The following INSYN2A variants were observed in gnomAD, a reference collection of about 807,000 sequenced individuals.
The protein encoded by INSYN2A is family with sequence similarity 196 member A.
Under a neutral mutation model 39.4 loss-of-function variants are expected in INSYN2A, and 17 were observed. The ratio of observed to expected loss-of-function variants is 0.43; its 90% CI spans 0.30 to 0.65. The LOEUF (loss-of-function observed/expected upper bound fraction) is 0.65. Ranked by LOEUF, INSYN2A falls within the 30% of genes least tolerant of loss-of-function variation. The pLI, the probability that INSYN2A is intolerant of heterozygous loss-of-function variation, is 0.14. For missense variants in INSYN2A, 595 were observed against 631.2 expected (o/e 0.94, Z 0.61); for synonymous variants, 255 against 265.7 (o/e 0.96, Z 0.39).
intron 2 of INSYN2A, among the ~76,000 whole-genome samples, chr10:127,190,669 C>A (rs1236623436): frequency 4.7e-5 from 1 of 21,442 alleles, no homozygotes; most frequent in African/African-American, 1.6e-4. Context: ...CTATCTTCCC[C>A]CCCCCCCCCC....
At chr10:127,140,603 AGCACACCAAGTCTCTCGGTTGAGTTTG>A (rs1161957418) in intron 5 of INSYN2A, among the ~76,000 whole-genome samples, 2 of 68,342 alleles carry the variant, frequency 2.9e-5, no homozygotes, top group Non-Finnish European at 8.3e-5. Flanking sequence ...TTCTTGGGGA[AGCACACCAAGTCTCTCGGTTGAGTTTG>A]ACACACCAAG....
At chr10:127,154,336 G>A (rs992393508) in intron 4 of INSYN2A, among the ~76,000 whole-genome samples, 2 of 152,134 alleles carry the variant, frequency 1.3e-5, no homozygotes, top group South Asian at 2.1e-4. Context: ...GGCAAAGTGC[G>A]GCCTGCAGGC....
Position 127,176,424 on chromosome 10 carries a change from G to A in INSYN2A, c.-5-24C>T, listed in dbSNP as rs370855704. The A allele has an allele frequency of 1.3e-6, 2 of 1,558,106 alleles. No homozygotes were observed. Among genetic ancestry groups the A allele is most frequent in the African/African-American group, 1.3e-5 (1 of 74,084 alleles). Reference sequence around the variant, plus strand: ...TCCTGCATTCAGAAACAGCAACAGAGGTGTCAGTGGGACAGAAATACACAC... The same window carrying A: ...TCCTGCATTCAGAAACAGCAACAGAAGTGTCAGTGGGACAGAAATACACAC... On this transcript the variant is annotated intron_variant, in intron 3 of 5. Transcript: ENST00000522781. The surrounding 1 kb of genome is among the most constrained non-coding windows in gnomAD (Gnocchi z 4.4).
intron 2 of INSYN2A, among the ~76,000 whole-genome samples, chr10:127,183,174 C>T (rs564277933): frequency 7.2e-6 from 1 of 138,582 alleles, no homozygotes; most frequent in Admixed American, 7.8e-5. Context: ...CTAAAAATGA[C>T]TTATATCAAA....
At chr10:127,156,914 G>T (rs2053142882) in intron 4 of INSYN2A, among the ~76,000 whole-genome samples, 1 of 152,116 alleles carries the variant, frequency 6.6e-6, no homozygotes, top group South Asian at 2.1e-4. Flanking sequence ...CTTTACTGCA[G>T]TCACTTTGTA....
chr10:127,140,989 G>C (rs981048714), intron 5 of INSYN2A, among the ~76,000 whole-genome samples: 1 of 152,138 alleles, frequency 6.6e-6, no homozygotes, highest in Non-Finnish European at 1.5e-5. Context: ...CCTGCTGCCC[G>C]GCAGACCTGT....
chr10:127,155,148 T>C (rs1413468782), intron 4 of INSYN2A, among the ~76,000 whole-genome samples: 1 of 152,218 alleles, frequency 6.6e-6, no homozygotes, highest in Non-Finnish European at 1.5e-5. Flanking sequence ...GCACAGAAGG[T>C]CTTCTGTCAA....
At chr10:127,150,407 AG>A (rs1216191928) in intron 5 of INSYN2A, among the ~76,000 whole-genome samples, 1 of 152,162 alleles carries the variant, frequency 6.6e-6, no homozygotes, top group Admixed American at 6.5e-5. Context: ...CTCAGCCACC[AG>A]GGCAGAATCA....
At chr10:127,143,213 G>A (rs2051446381) in intron 5 of INSYN2A, among the ~76,000 whole-genome samples, 1 of 152,198 alleles carries the variant, frequency 6.6e-6, no homozygotes, top group African/African-American at 2.4e-5. Context: ...ATGTGTAACA[G>A]TTAAGAGTTA....
chr10:127,168,706 A>G (rs1417865132), intron 4 of INSYN2A, among the ~76,000 whole-genome samples: 1 of 152,170 alleles, frequency 6.6e-6, no homozygotes, highest in African/African-American at 2.4e-5. Context: ...TTGGGATGGG[A>G]TCACCTCACT....
chr10:127,192,148 C>T (rs1276749072), intron 2 of INSYN2A, among the ~76,000 whole-genome samples: 1 of 152,124 alleles, frequency 6.6e-6, no homozygotes, highest in South Asian at 2.1e-4. Flanking sequence ...AGACTCTCTT[C>T]TTTTCTTTTT....
intron 5 of INSYN2A, among the ~76,000 whole-genome samples, chr10:127,144,686 A>G (rs376966552): frequency 2.6e-5 from 4 of 152,346 alleles, no homozygotes; most frequent in Non-Finnish European, 5.9e-5. Flanking sequence ...TTAAATATAT[A>G]TGGATCTCAT....
At chr10:127,180,065 C>T (rs1044719833) in intron 2 of INSYN2A, among the ~76,000 whole-genome samples, 1 of 152,210 alleles carries the variant, frequency 6.6e-6, no homozygotes, top group African/African-American at 2.4e-5. Flanking sequence ...CCGTTTGAAT[C>T]ACATGCCCTA....
At chr10:127,180,955 G>A (rs1372365739) in intron 2 of INSYN2A, among the ~76,000 whole-genome samples, 1 of 152,154 alleles carries the variant, frequency 6.6e-6, no homozygotes, top group Non-Finnish European at 1.5e-5. Flanking sequence ...AATGGAGGGA[G>A]GTACAGCGTC....
At position 127,137,756 on chromosome 10, in the gene INSYN2A, A is replaced by T; in HGVS notation, c.*81T>A. Reference sequence around the variant, plus strand: ...CTGAATGGGCACCACAGTTCCCTCGATCCTATTCATTTTGGAAAAGTATTG... The same window carrying T: ...CTGAATGGGCACCACAGTTCCCTCGTTCCTATTCATTTTGGAAAAGTATTG... On this transcript the variant is annotated 3_prime_UTR_variant, in exon 6 of 6. Coordinates refer to ENST00000522781, the MANE Select transcript of INSYN2A (RefSeq NM_001039762.3). 1.5e-6 allele frequency: 2 copies of T among 1,357,882 alleles called. No individual in the cohort carries two copies. The highest frequency in any genetic ancestry group is 2.0e-6 in the Non-Finnish European group (2 of 991,244). The allele number at this position is 1,357,882 out of a possible 1,614,324, so 84.1% of individuals were successfully genotyped here. A position where few individuals can be genotyped will look rare whatever the true frequency, so the allele number is the denominator to read the frequency against.
At chr10:127,154,292 G>A (rs1026368281) in intron 4 of INSYN2A, among the ~76,000 whole-genome samples, 1 of 152,150 alleles carries the variant, frequency 6.6e-6, no homozygotes, top group African/African-American at 2.4e-5. Context: ...GCTTATGTTT[G>A]CTCTACCCCA....
chr10:127,195,726 C>T (rs1232675878), intron 1 of INSYN2A, among the ~76,000 whole-genome samples: 6 of 152,196 alleles, frequency 3.9e-5, no homozygotes, highest in Non-Finnish European at 5.9e-5. Context: ...TCCTCCCTGA[C>T]GTCGCCAAAG....
intron 2 of INSYN2A, among the ~76,000 whole-genome samples, chr10:127,191,230 T>C (rs2056736650): frequency 6.6e-6 from 1 of 152,164 alleles, no homozygotes; most frequent in African/African-American, 2.4e-5. Context: ...TGATTCTACC[T>C]GGGAGTCTTT....
At chr10:127,172,331 A>G (rs2054651311) in intron 4 of INSYN2A, among the ~76,000 whole-genome samples, 1 of 152,186 alleles carries the variant, frequency 6.6e-6, no homozygotes, top group Admixed American at 6.5e-5. Flanking sequence ...AGCAGATGCT[A>G]CTTCCCTTCC....
Sources: gnomAD v4.1 joint callset for allele counts (sites outside exome capture counted in the v4.1 genomes callset) on GRCh38, gnomAD v4.1.1 for gene constraint, Gnocchi (gnomAD v3.1) non-coding constraint, MANE v1.5 for transcripts, NCBI Gene and HGNC (gene_info 2026-07-23, HGNC 2026-07-21) for gene names.